NYAP2: variants seen among roughly 807,000 people sequenced by gnomAD.
The protein encoded by NYAP2 is neuronal tyrosine-phosphorylated phosphoinositide-3-kinase adaptor 2.
Under a neutral mutation model 50.4 loss-of-function variants are expected in NYAP2, and 23 were observed. That is an observed-to-expected ratio of 0.46 (90% CI 0.33 to 0.65). The LOEUF is 0.65. Among genes scored for constraint, NYAP2 ranks in the 30% least tolerant of loss-of-function variants. The probability of loss-of-function intolerance (pLI) is 0.02; values close to 1 mark genes in which losing one functional copy is unlikely to be tolerated. For missense variants in NYAP2, 885 were observed against 861.0 expected (o/e 1.03, Z -0.35); for synonymous variants, 394 against 365.2 (o/e 1.08, Z -0.90).
intron 5 of NYAP2, among the ~76,000 whole-genome samples, chr2:225,620,545 C>G (rs752091988): frequency 1.3e-5 from 2 of 152,122 alleles, no homozygotes; most frequent in Non-Finnish European, 2.9e-5. Context: ...ATAAAATTCT[C>G]CATAATACAT....
chr2:225,663,561 T>C, the NYAP2 span, among the ~76,000 whole-genome samples: 2 of 152,050 alleles, frequency 1.3e-5, no homozygotes, highest in South Asian at 2.1e-4. Context: ...TTCTCACTTT[T>C]TTTTTCTTTT....
chr2:225,478,996 AT>A lies in NYAP2; in HGVS notation c.222-34374del, dbSNP rs1437059451. Among the ~76,000 whole-genome samples the A allele has an allele frequency of 2.0e-5, 3 of 152,202 alleles. No homozygotes were observed. The East Asian group carries it at 5.8e-4, about 29-fold the overall frequency. ...GAGAATCCAATCATTGGGAAAAAAAATAAGAGATTCAGCATTATGGTGTTAA... is the reference window on the plus strand; with the variant it reads ...GAGAATCCAATCATTGGGAAAAAAAAAAGAGATTCAGCATTATGGTGTTAA... On this transcript the variant is annotated intron_variant, in intron 3 of 6. Coordinates refer to ENST00000636099, the Ensembl canonical transcript of NYAP2.
At chr2:225,449,673 A>ATCTCAGCTCACTGCAACC (rs1689619061) in intron 3 of NYAP2, among the ~76,000 whole-genome samples, 2 of 145,770 alleles carry the variant, frequency 1.4e-5, no homozygotes, top group African/African-American at 2.6e-5. Context: ...CAGAGGCACA[A>ATCTCAGCTCACTGCAACC]TCTCAGCTCA....
chr2:225,626,550 C>T (rs1693213121), intron 5 of NYAP2, among the ~76,000 whole-genome samples: 1 of 152,160 alleles, frequency 6.6e-6, no homozygotes, highest in African/African-American at 2.4e-5. Context: ...GTGATGTTAT[C>T]AGGAGCAGAT....
At chr2:225,491,924 T>G (rs1182293008) in intron 3 of NYAP2, among the ~76,000 whole-genome samples, 2 of 152,190 alleles carry the variant, frequency 1.3e-5, no homozygotes, top group Non-Finnish European at 2.9e-5. Context: ...AGTGAAAGAC[T>G]TAAAAAACCT....
chr2:225,628,793 T>C (rs921838798), intron 6 of NYAP2, among the ~76,000 whole-genome samples: 1 of 152,180 alleles, frequency 6.6e-6, no homozygotes, highest in African/African-American at 2.4e-5. Context: ...CTATTGTGGC[T>C]AGATATATAT....
At chr2:225,421,881 A>G (rs1298237022) in intron 3 of NYAP2, among the ~76,000 whole-genome samples, 1 of 152,178 alleles carries the variant, frequency 6.6e-6, no homozygotes, top group East Asian at 1.9e-4. Context: ...ACACTTTACA[A>G]CCCCTATCAG....
At position 225,518,540 on chromosome 2, in the gene NYAP2, ATATATATATATATATATATATATATAT is replaced by A. The variant is rs1559202455; in HGVS notation, c.523+4869_523+4895del. On this transcript the variant is annotated intron_variant, in intron 4 of 6. Coordinates refer to ENST00000636099, the Ensembl canonical transcript of NYAP2. Reference sequence around the variant, plus strand: ...TGAGCTAATATATATATATATATATATATATATATATATATATATATATATATATTAGCGTGTGCGCTTATATATATA... The same window carrying A: ...TGAGCTAATATATATATATATATATAATTAGCGTGTGCGCTTATATATATA... Among the ~76,000 whole-genome samples the A allele has an allele frequency of 2.6e-4, 17 of 64,732 alleles. 2 individuals are homozygous for A. The highest frequency in any genetic ancestry group is 1.6e-3 in the Admixed American group (8 of 5,008). 42.5% of individuals were successfully genotyped at this position (64,732 alleles called of 152,430 possible).
chr2:225,687,007 G>C, the NYAP2 span, among the ~76,000 whole-genome samples: 6 of 152,234 alleles, frequency 3.9e-5, no homozygotes, highest in South Asian at 1.2e-3. Context: ...GGAAGTAATT[G>C]TGCTTGTGTG....
chr2:225,416,926 C>T (rs1695133740), intron 3 of NYAP2, among the ~76,000 whole-genome samples: 1 of 152,104 alleles, frequency 6.6e-6, no homozygotes, highest in South Asian at 2.1e-4. Flanking sequence ...CATCCAACAC[C>T]ATGGCAAATT....
chr2:225,511,369 C>CAGAG lies in NYAP2; in HGVS notation c.222-2001_222-2000insGAGA, dbSNP rs1350310423. On this transcript the variant is annotated intron_variant, in intron 3 of 6. Coordinates refer to ENST00000636099, the Ensembl canonical transcript of NYAP2. ...ACACACACACACACACACACACACA[C>CAGAG]ACACAGAGAGAGAGAGAGAGAGAGG... Among the ~76,000 whole-genome samples the CAGAG allele has an allele frequency of 5.6e-4, 75 of 134,628 alleles. No homozygotes were observed. In the East Asian group the frequency reaches 6.0e-3, roughly 11 times the overall value. 88.3% of individuals were successfully genotyped at this position (134,628 alleles called of 152,430 possible). A position where few individuals can be genotyped will look rare whatever the true frequency, so the allele number is the denominator to read the frequency against.
intron 3 of NYAP2, among the ~76,000 whole-genome samples, chr2:225,450,711 T>C (rs1290219857): frequency 6.6e-6 from 1 of 152,246 alleles, no homozygotes; most frequent in Non-Finnish European, 1.5e-5. Context: ...TAGTAAATTG[T>C]CCACAAATGT....
chr2:225,407,237 T>C (rs1694956650), intron 2 of NYAP2, among the ~76,000 whole-genome samples: 1 of 152,038 alleles, frequency 6.6e-6, no homozygotes, highest in African/African-American at 2.4e-5. Flanking sequence ...GTAGCATTAA[T>C]TTACTATTCT....
rs772662215 is a variant in NYAP2 at position 225,582,741 on chromosome 2, A to G, written c.1324A>G (p.Met442Val). ...CTCCACCTCTCCCTCCCCCGTCAGCATGGGGAGGTCCCTGACTCCCCTGAG... is the reference window on the plus strand; with the variant it reads ...CTCCACCTCTCCCTCCCCCGTCAGCGTGGGGAGGTCCCTGACTCCCCTGAG... The change falls in exon 5 of 7, where the codon ATG becomes GTG. Residue 442 changes from methionine (M) to valine (V), a missense_variant. Met to Val is a conservative substitution (Grantham distance 21). Coordinates refer to ENST00000636099, the Ensembl canonical transcript of NYAP2. This position sits in a 1 kb window ranked among gnomAD's most constrained non-coding sequence, Gnocchi z 7.0. 3 of 1,611,606 alleles carry G rather than the reference A, an allele frequency of 1.9e-6. No homozygotes were observed. The highest frequency in any genetic ancestry group is 2.7e-5 in the African/African-American group (2 of 74,596).
chr2:225,671,007 TAGA>T, the NYAP2 span, among the ~76,000 whole-genome samples: 2 of 152,138 alleles, frequency 1.3e-5, no homozygotes, highest in Admixed American at 1.3e-4. Flanking sequence ...TTTTTGCCAG[TAGA>T]AGGTCTTTCC....
At chr2:225,516,277 C>A (rs1690933864) in intron 4 of NYAP2, among the ~76,000 whole-genome samples, 1 of 152,154 alleles carries the variant, frequency 6.6e-6, no homozygotes, top group South Asian at 2.1e-4. Flanking sequence ...ACTTGTCAAG[C>A]AGAATGCAGC....
chr2:225,414,336 G>C (rs1452169831), intron 3 of NYAP2, among the ~76,000 whole-genome samples: 2 of 152,128 alleles, frequency 1.3e-5, no homozygotes, highest in Admixed American at 6.6e-5. Flanking sequence ...CAAGTTAATG[G>C]AGAATGAAAA....
At chr2:225,612,441 A>G (rs1216442896) in intron 5 of NYAP2, among the ~76,000 whole-genome samples, 1 of 151,994 alleles carries the variant, frequency 6.6e-6, no homozygotes, top group African/African-American at 2.4e-5. Context: ...TCTGACTGGC[A>G]TTGGGGAGCT....
intron 3 of NYAP2, among the ~76,000 whole-genome samples, chr2:225,453,382 A>G (rs1689684312): frequency 6.6e-6 from 1 of 152,152 alleles, no homozygotes; most frequent in Admixed American, 6.5e-5. Context: ...ATTCAAGGGG[A>G]TTGGCTCTAA....
Sources: gnomAD v4.1 joint callset for allele counts (sites outside exome capture counted in the v4.1 genomes callset) on GRCh38, gnomAD v4.1.1 for gene constraint, Gnocchi (gnomAD v3.1) non-coding constraint, MANE v1.5 for transcripts, NCBI Gene and HGNC (gene_info 2026-07-23, HGNC 2026-07-21) for gene names.